The following WDFY2 variants were observed in gnomAD, a reference collection of about 807,000 sequenced individuals.
The protein encoded by WDFY2 is WD repeat and FYVE domain-containing protein 2.
Under a neutral mutation model 56.4 loss-of-function variants are expected in WDFY2, and 36 were observed. The ratio of observed to expected loss-of-function variants is 0.64; its 90% CI spans 0.49 to 0.84. WDFY2 has a LOEUF of 0.84. Ranked by LOEUF, WDFY2 falls within the 40% of genes least tolerant of loss-of-function variation. The pLI is 0.00. For synonymous variants in WDFY2, 176 were observed against 183.7 expected, an observed-to-expected ratio of 0.96 and a Z score of 0.34; for missense variants, 444 against 512.2, an observed-to-expected ratio of 0.87 and a Z score of 1.29.
chr13:51,649,828 G>T (rs1388350210), intron 1 of WDFY2, among the ~76,000 whole-genome samples: 2 of 152,118 alleles, frequency 1.3e-5, no homozygotes, highest in African/African-American at 2.4e-5. Flanking sequence ...TAGCCTTGTA[G>T]TATAGTTTGA....
intron 3 of WDFY2, among the ~76,000 whole-genome samples, chr13:51,676,994 C>T (rs889281306): frequency 6.6e-6 from 1 of 152,158 alleles, no homozygotes; most frequent in African/African-American, 2.4e-5. Flanking sequence ...TGGTTTGTTG[C>T]ACTTTTGAAG....
At chr13:51,595,798 A>G (rs1954133179) in intron 1 of WDFY2, among the ~76,000 whole-genome samples, 1 of 152,210 alleles carries the variant, frequency 6.6e-6, no homozygotes, top group African/African-American at 2.4e-5. Context: ...GACACCTTTT[A>G]TAACAGATGC....
intron 1 of WDFY2, among the ~76,000 whole-genome samples, chr13:51,638,137 C>T (rs1955087643): frequency 6.6e-6 from 1 of 152,140 alleles, no homozygotes. Context: ...GAGGTCAGAT[C>T]CTGGAGGGCC....
chr13:51,707,939 C>CTATTTTTTTTTTTTTTTTTTTTTT (rs1952120507), intron 4 of WDFY2, among the ~76,000 whole-genome samples: 1 of 57,570 alleles, frequency 1.7e-5, no homozygotes, highest in Admixed American at 3.2e-4. Context: ...CCTAAAACAA[C>CTATTTTTTTTTTTTTTTTTTTTTT]TTTTTTTTTT....
chr13:51,697,412 T>G (rs1330769475), intron 3 of WDFY2, among the ~76,000 whole-genome samples: 2 of 152,096 alleles, frequency 1.3e-5, no homozygotes, highest in African/African-American at 4.8e-5. Context: ...GCAGGCAGAT[T>G]GCTGGAGCTC....
intron 2 of WDFY2, among the ~76,000 whole-genome samples, chr13:51,674,103 AATG>A (rs1771484267): frequency 6.6e-6 from 1 of 152,202 alleles, no homozygotes; most frequent in Non-Finnish European, 1.5e-5. Context: ...TGTGTGTTTG[AATG>A]ATGTCTTTGA....
At chr13:51,751,833 A>G (rs1043956602) in intron 8 of WDFY2, among the ~76,000 whole-genome samples, 2 of 152,218 alleles carry the variant, frequency 1.3e-5, no homozygotes, top group African/African-American at 4.8e-5. Flanking sequence ...ACTAGAAATA[A>G]TTATTTTGTA....
At chr13:51,654,560 T>A (rs552699312) in intron 1 of WDFY2, among the ~76,000 whole-genome samples, 2 of 152,058 alleles carry the variant, frequency 1.3e-5, no homozygotes, top group Non-Finnish European at 2.9e-5. Context: ...AGACTTTTTT[T>A]CCCCCAATAC....
chr13:51,755,467 A>T lies in WDFY2; in HGVS notation c.933+8A>T. 6.2e-7 allele frequency: 1 copy of T among 1,610,736 alleles called. No homozygotes were observed. On this transcript the variant is annotated splice_region_variant and intron_variant, in intron 9 of 11. Transcript: ENST00000298125. Reference sequence around the variant, plus strand: ...AAAATTGGTCTAAGACAGGTGAGTGATATGGATGCTTCATCAAAATGTAAT... The same window carrying T: ...AAAATTGGTCTAAGACAGGTGAGTGTTATGGATGCTTCATCAAAATGTAAT...
At chr13:51,619,846 G>A (rs1239321961) in intron 1 of WDFY2, among the ~76,000 whole-genome samples, 1 of 152,206 alleles carries the variant, frequency 6.6e-6, no homozygotes, top group Non-Finnish European at 1.5e-5. Context: ...TTACAGCTGG[G>A]CGTTTGCCTT....
chr13:51,654,832 G>A (rs890337287), intron 1 of WDFY2, among the ~76,000 whole-genome samples: 1 of 151,942 alleles, frequency 6.6e-6, no homozygotes, highest in African/African-American at 2.4e-5. Context: ...TAAGAGAACA[G>A]ATATTTTTAT....
chr13:51,711,768 A>C (rs528200547), intron 4 of WDFY2, among the ~76,000 whole-genome samples: 2 of 152,368 alleles, frequency 1.3e-5, no homozygotes, highest in South Asian at 2.1e-4. Context: ...TAGAATGGCG[A>C]TCATTAAAAA....
At chr13:51,675,621 T>C (rs1480221185) in intron 3 of WDFY2, among the ~76,000 whole-genome samples, 3 of 152,236 alleles carry the variant, frequency 2.0e-5, no homozygotes, top group African/African-American at 7.2e-5. Flanking sequence ...AGGAAAATGC[T>C]TTCCCTTATG....
intron 1 of WDFY2, among the ~76,000 whole-genome samples, chr13:51,594,638 G>A (rs763186410): frequency 1.3e-5 from 2 of 152,178 alleles, no homozygotes; most frequent in African/African-American, 2.4e-5. Flanking sequence ...TGTCTGCAAT[G>A]ATAGCCCTAA....
chr13:51,743,540 A>G (rs1325892181), intron 7 of WDFY2, among the ~76,000 whole-genome samples: 1 of 152,244 alleles, frequency 6.6e-6, no homozygotes, highest in Non-Finnish European at 1.5e-5. Flanking sequence ...AAAAAATTCC[A>G]AGTCAAAAAT....
At chr13:51,684,319 A>G (rs1956024366) in intron 3 of WDFY2, among the ~76,000 whole-genome samples, 1 of 152,130 alleles carries the variant, frequency 6.6e-6, no homozygotes, top group Non-Finnish European at 1.5e-5. Flanking sequence ...AAAGGAGCCA[A>G]AAAGATGCCT....
At chr13:51,726,488 A>G (rs1952607686) in intron 5 of WDFY2, among the ~76,000 whole-genome samples, 1 of 152,210 alleles carries the variant, frequency 6.6e-6, no homozygotes, top group African/African-American at 2.4e-5. Context: ...GGCTTTGTCA[A>G]CCAGAGAAGC....
At chr13:51,590,826 T>C (rs554854261) in intron 1 of WDFY2, 1 of 151,822 alleles carries the variant, frequency 6.6e-6, no homozygotes, top group Non-Finnish European at 1.5e-5. Context: ...TTTAAAAAAA[T>C]TTTTTGTATT....
intron 3 of WDFY2, among the ~76,000 whole-genome samples, chr13:51,681,526 T>C (rs1593407620): frequency 6.6e-6 from 1 of 152,206 alleles, no homozygotes; most frequent in African/African-American, 2.4e-5. Context: ...CATTATACCA[T>C]GGTTTCTACC....
Sources: gnomAD v4.1 joint callset for allele counts (sites outside exome capture counted in the v4.1 genomes callset) on GRCh38, gnomAD v4.1.1 for gene constraint, MANE v1.5 for transcripts, NCBI Gene and HGNC (gene_info 2026-07-23, HGNC 2026-07-21) for gene names.